NNMT: variants seen among roughly 807,000 people sequenced by gnomAD.
The protein encoded by NNMT is nicotinamide N-methyltransferase.
A neutral mutation model predicts 11.7 loss-of-function variants in NNMT; 10 were observed. The observed-to-expected ratio is 0.85, with a 90% confidence interval of 0.53 to 1.45. The LOEUF (loss-of-function observed/expected upper bound fraction) is 1.45, where lower values mean the gene tolerates loss of function less well. Among genes scored for constraint, NNMT ranks in the 40% most tolerant of loss-of-function variants. The probability of loss-of-function intolerance (pLI) is 0.00; values close to 1 mark genes in which losing one functional copy is unlikely to be tolerated. For missense variants in NNMT, 381 were observed against 319.4 expected, an observed-to-expected ratio of 1.19 and a Z score of -1.47; for synonymous variants, 143 against 133.8, an observed-to-expected ratio of 1.07 and a Z score of -0.48.
chr11:114,268,213 A>T (rs1206940842), intron 2 of NNMT, among the ~76,000 whole-genome samples: 1 of 151,962 alleles, frequency 6.6e-6, no homozygotes, highest in Non-Finnish European at 1.5e-5. Flanking sequence ...CAAGATCAAC[A>T]GTGACCTTGT....
At chr11:114,284,707 C>G (rs1033409017) in intron 2 of NNMT, among the ~76,000 whole-genome samples, 5 of 151,370 alleles carry the variant, frequency 3.3e-5, no homozygotes, top group African/African-American at 1.2e-4. Flanking sequence ...TGTGATATGC[C>G]CACCTTGGCC....
At chr11:114,301,406 G>C (rs1332768776) in intron 2 of NNMT, among the ~76,000 whole-genome samples, 1 of 152,010 alleles carries the variant, frequency 6.6e-6, no homozygotes, top group East Asian at 1.9e-4. Flanking sequence ...AATAAACTGT[G>C]GTACATTTAG....
At chr11:114,303,877 A>G (rs1945464445) in intron 2 of NNMT, among the ~76,000 whole-genome samples, 1 of 152,084 alleles carries the variant, frequency 6.6e-6, no homozygotes, top group Non-Finnish European at 1.5e-5. Context: ...TAGCTGGCTA[A>G]TTTTTTGTAG....
chr11:114,273,816 G>T (rs1199704189), intron 2 of NNMT, among the ~76,000 whole-genome samples: 2 of 152,070 alleles, frequency 1.3e-5, no homozygotes, highest in Non-Finnish European at 2.9e-5. Flanking sequence ...CTCCAGCCTG[G>T]GCAACAGAGT....
rs564601581 is a variant in NNMT, at chr11:114,266,213, A to G, written c.-130+3279A>G. Among the ~76,000 whole-genome samples, 16 of 152,226 alleles carry G rather than the reference A, an allele frequency of 1.1e-4. No homozygotes were observed. In the South Asian group the frequency reaches 3.3e-3, roughly 32 times the overall value. Reference sequence around the variant, plus strand: ...GGAGCAATCAACACGTACTAATATTATGTCCCCCACCCCACCTCGCTGTTT... The same window carrying G: ...GGAGCAATCAACACGTACTAATATTGTGTCCCCCACCCCACCTCGCTGTTT... On this transcript the variant is annotated intron_variant, in intron 2 of 4. Coordinates refer to the NNMT transcript ENST00000535401.
intron 2 of NNMT, among the ~76,000 whole-genome samples, chr11:114,275,869 G>T (rs902239682): frequency 6.6e-6 from 1 of 152,168 alleles, no homozygotes; most frequent in Non-Finnish European, 1.5e-5. Flanking sequence ...TCCTGCAAGT[G>T]TGTGTATGAG....
At chr11:114,287,586 G>A (rs1459368966) in intron 2 of NNMT, among the ~76,000 whole-genome samples, 1 of 152,074 alleles carries the variant, frequency 6.6e-6, no homozygotes, top group African/African-American at 2.4e-5. Flanking sequence ...TCTCTACTCT[G>A]TTCTATTGGT....
intron 1 of NNMT, among the ~76,000 whole-genome samples, chr11:114,261,153 G>A (rs1255093266): frequency 6.6e-6 from 1 of 152,224 alleles, no homozygotes; most frequent in African/African-American, 2.4e-5. Context: ...CAGGGACCCA[G>A]GAGCCTGGGA....
rs201257954 is a variant in NNMT at position 114,312,116 on chromosome 11, A to G, written c.434A>G (p.Gln145Arg). 3.5e-5 allele frequency: 56 copies of G among 1,613,036 alleles called. No individual in the cohort carries two copies. In the East Asian group the frequency reaches 1.0e-3, roughly 30 times the overall value. ...VKQVLKCDVT[Q>R]SQPLGAVPLP... ...CAGGTGCTGAAGTGTGATGTGACTC[A>G]GAGCCAGCCACTGGGGGCCGTCCCC... Residue 145 changes from glutamine to arginine, a missense_variant, in exon 3 of 3, where the codon CAG (glutamine) becomes CGG (arginine). By Grantham distance (43) the Gln-to-Arg change is conservative. Coordinates refer to ENST00000299964, the MANE Select transcript of NNMT (RefSeq NM_006169.3).
At chr11:114,311,948 A>G (rs11214940) in intron 2 of NNMT, 97 bp from the exon 3 acceptor site, 84,959 of 1,323,278 alleles carry the variant, frequency 0.064, 3,399 homozygotes, top group Middle Eastern at 0.14. Context: ...AAGGACACAC[A>G]TCTGGGACAA....
rs531195145 is a variant in NNMT at position 114,259,351 on chromosome 11, G to T, written c.-217+1473G>T. Reference sequence around the variant, plus strand: ...TACACACACGCAGAGGCCCAGTGGGGGGGGGGGAGCTCCTGCATCCCCACA... The same window carrying T: ...TACACACACGCAGAGGCCCAGTGGGTGGGGGGGAGCTCCTGCATCCCCACA... On this transcript the variant is annotated intron_variant, in intron 1 of 4. Transcript: ENST00000535401. 3.5e-4 allele frequency among the ~76,000 whole-genome samples: 52 copies of T among 150,382 alleles called. 1 individual carries two copies. Among genetic ancestry groups the T allele is most frequent in the East Asian group, 3.9e-4 (2 of 5,126 alleles).
At chr11:114,309,447 G>C (rs992719266) in intron 2 of NNMT, among the ~76,000 whole-genome samples, 2 of 152,086 alleles carry the variant, frequency 1.3e-5, no homozygotes, top group African/African-American at 4.8e-5. Flanking sequence ...AGGACAAAGT[G>C]GTCACCCTGC....
intron 2 of NNMT, among the ~76,000 whole-genome samples, chr11:114,281,693 G>A (rs1348691240): frequency 1.3e-5 from 2 of 152,146 alleles, no homozygotes; most frequent in Non-Finnish European, 2.9e-5. Context: ...CACTCCATGA[G>A]CTGGCTCTTG....
chr11:114,259,562 G>A (rs1945059094), intron 1 of NNMT, among the ~76,000 whole-genome samples: 1 of 152,132 alleles, frequency 6.6e-6, no homozygotes, highest in African/African-American at 2.4e-5. Context: ...GGCCCATGGG[G>A]GCAGGTCCAT....
Position 114,312,813 on chromosome 11 carries a change from A to C in NNMT, c.*336A>C, listed in dbSNP as rs1310985126. On this transcript the variant is annotated 3_prime_UTR_variant, in exon 3 of 3. Transcript: ENST00000299964. ...AGAGAAGTGTCTGCAGTTACTCACTATTAGTTTCCTAAGGGGGCACTGCTG... is the reference window on the plus strand; with the variant it reads ...AGAGAAGTGTCTGCAGTTACTCACTCTTAGTTTCCTAAGGGGGCACTGCTG... 4.1e-6 allele frequency: 1 copy of C among 246,524 alleles called. No individual in the cohort carries two copies. Among genetic ancestry groups the C allele is most frequent in the Non-Finnish European group, 7.9e-6 (1 of 126,552 alleles). The allele number at this position is 246,524 out of a possible 1,614,324, so 15.3% of individuals were successfully genotyped here. A position where few individuals can be genotyped will look rare whatever the true frequency, so the allele number is the denominator to read the frequency against.
chr11:114,309,552 C>T (rs1465665837), intron 2 of NNMT, among the ~76,000 whole-genome samples: 2 of 150,976 alleles, frequency 1.3e-5, no homozygotes, highest in East Asian at 4.0e-4. Flanking sequence ...GGTAGGAATT[C>T]CCCCAAATCA....
chr11:114,302,673 G>T (rs1275089051), intron 2 of NNMT, among the ~76,000 whole-genome samples: 2 of 152,096 alleles, frequency 1.3e-5, no homozygotes, highest in East Asian at 3.8e-4. Flanking sequence ...TCAGTATACA[G>T]TTTTAAACAA....
At chr11:114,286,435 C>A (rs1945300575) in intron 2 of NNMT, among the ~76,000 whole-genome samples, 1 of 152,216 alleles carries the variant, frequency 6.6e-6, no homozygotes, top group Admixed American at 6.5e-5. Flanking sequence ...CACCCACAGG[C>A]AACCACTATC....
intron 1 of NNMT, among the ~76,000 whole-genome samples, chr11:114,260,744 C>A (rs186765994): frequency 6.6e-6 from 1 of 152,190 alleles, no homozygotes; most frequent in Non-Finnish European, 1.5e-5. Flanking sequence ...TACGGACCCA[C>A]GGAACCAAGC....
Sources: gnomAD v4.1 joint callset for allele counts (sites outside exome capture counted in the v4.1 genomes callset) on GRCh38, gnomAD v4.1.1 for gene constraint, MANE v1.5 for transcripts, NCBI Gene and HGNC (gene_info 2026-07-23, HGNC 2026-07-21) for gene names.